The following IL4R variants were observed in gnomAD, a reference collection of about 807,000 sequenced individuals.
The protein encoded by IL4R is interleukin-4 receptor subunit alpha.
In IL4R, 17 loss-of-function variants were observed where a neutral mutation model predicts 41.5. The ratio of observed to expected loss-of-function variants is 0.41; its 90% CI spans 0.28 to 0.61. IL4R has a LOEUF of 0.61. IL4R is among the 20% of genes least tolerant of loss of function. The pLI, the probability that IL4R is intolerant of heterozygous loss-of-function variation, is 0.31. For missense variants in IL4R, 974 were observed against 1,043.1 expected (o/e 0.93, Z 0.91); for synonymous variants, 402 against 422.9 (o/e 0.95, Z 0.61).
intron 9 of IL4R, chr16:27,359,753 A>G: frequency 4.4e-6 from 2 of 453,104 alleles, no homozygotes; most frequent in South Asian, 3.1e-5. Context: ...ATTTATTGAG[A>G]CAATACATAT....
Position 27,352,607 on chromosome 16 carries a change from G to C in IL4R, c.581G>C (p.Gly194Ala), listed in dbSNP as rs557130740. 9 of 1,614,122 alleles carry C rather than the reference G, an allele frequency of 5.6e-6. No homozygotes were observed. Among genetic ancestry groups the C allele is most frequent in the African/African-American group, 2.7e-5 (2 of 75,044 alleles). ...ATCGCAGCCAGCACCCTGAAGTCTG[G>C]GATTTCCTACAGGGCACGGGTGAGG... ...LRIAASTLKSGISYRARVRAW... is the reference protein window; with the variant it reads ...LRIAASTLKSAISYRARVRAW... Residue 194 changes from glycine to alanine, a missense_variant, in exon 7 of 11, where the codon GGG (glycine) becomes GCG (alanine). By Grantham distance (60) the Gly-to-Ala change is moderately conservative (BLOSUM62 0). This residue lies in a region of IL4R where 284 missense variants were observed against 313.4 expected (regional missense o/e 0.91). Coordinates refer to ENST00000395762, the MANE Select transcript of IL4R (RefSeq NM_000418.4).
chr16:27,320,751 T>C (rs920783525), intron 1 of IL4R, among the ~76,000 whole-genome samples: 2 of 152,150 alleles, frequency 1.3e-5, no homozygotes, highest in Admixed American at 1.3e-4. Flanking sequence ...TTCTGCCTTT[T>C]TAAAAGGGAA....
intron 2 of IL4R, among the ~76,000 whole-genome samples, chr16:27,330,406 GA>G (rs1364505764): frequency 7.5e-4 from 112 of 148,676 alleles, no homozygotes; most frequent in African/African-American, 2.6e-3. Flanking sequence ...AAAAAGAAAA[GA>G]AAAAGAAAAA....
In IL4R at chr16:27,345,325, T is replaced by G; in HGVS notation, c.361+305T>G. On this transcript the variant is annotated intron_variant, in intron 5 of 10. Transcript: ENST00000395762. The surrounding 1 kb of genome is among the most constrained non-coding windows in gnomAD (Gnocchi z 4.5). ...TGCTGGAAGGCATGCCTGCTGCTGATTGAAAACCGAACTGGGAACATTCCT... is the reference window on the plus strand; with the variant it reads ...TGCTGGAAGGCATGCCTGCTGCTGAGTGAAAACCGAACTGGGAACATTCCT... The G allele has an allele frequency of 2.0e-6, 1 of 490,696 alleles. No individual in the cohort carries two copies. Among genetic ancestry groups the G allele is most frequent in the East Asian group, 4.7e-5 (1 of 21,316 alleles). 30.4% of individuals were successfully genotyped at this position (490,696 alleles called of 1,614,324 possible).
intron 6 of IL4R, among the ~76,000 whole-genome samples, chr16:27,351,646 C>A (rs1161075280): frequency 6.6e-6 from 1 of 151,816 alleles, no homozygotes; most frequent in East Asian, 1.9e-4. Flanking sequence ...TCCTGAGTAG[C>A]TGGGATTACA....
intron 4 of IL4R, among the ~76,000 whole-genome samples, chr16:27,344,511 C>T (rs2085560325): frequency 1.3e-5 from 2 of 152,116 alleles, no homozygotes; most frequent in Admixed American, 6.6e-5. Context: ...AATTATCTTA[C>T]GATGGCCAAA....
intron 6 of IL4R, among the ~76,000 whole-genome samples, chr16:27,349,869 C>A (rs543377645): frequency 2.0e-5 from 3 of 152,298 alleles, no homozygotes; most frequent in African/African-American, 7.2e-5. Flanking sequence ...CCCACCTCTG[C>A]CTCCCAGGTA....
chr16:27,329,413 ATG>A (rs2085051474), intron 1 of IL4R, among the ~76,000 whole-genome samples: 1 of 152,170 alleles, frequency 6.6e-6, no homozygotes, highest in Admixed American at 6.6e-5. Context: ...ACAGTGGCTC[ATG>A]CCTGTAATCC....
chr16:27,341,769 A>C (rs888040055), intron 3 of IL4R, among the ~76,000 whole-genome samples: 1 of 152,222 alleles, frequency 6.6e-6, no homozygotes, highest in Admixed American at 6.5e-5. Context: ...CACTTCCCCT[A>C]GCTCGAGGGC....
intron 5 of IL4R, 63 bp from the exon 6 acceptor site, chr16:27,346,404 G>A: frequency 6.3e-7 from 1 of 1,579,794 alleles, no homozygotes. Context: ...GTAGGCCGGG[G>A]CTGGGCTGGG....
In IL4R at chr16:27,355,805, C is replaced by A; in HGVS notation, c.671-3C>A. 1 of 1,610,098 alleles carries A rather than the reference C, an allele frequency of 6.2e-7. No individual in the cohort carries two copies. The highest frequency in any genetic ancestry group is 8.5e-7 in the Non-Finnish European group (1 of 1,177,202). On this transcript the variant is annotated splice_polypyrimidine_tract_variant and splice_region_variant and intron_variant, in intron 7 of 10. Coordinates refer to ENST00000395762, the MANE Select transcript of IL4R (RefSeq NM_000418.4). ...AGCTCATGGCTTCCCCTCCCACTTC[C>A]AGCCTACAGGGAGCCCTTCGAGCAG...
rs766380848 is a variant in IL4R at position 27,363,553 on chromosome 16, G to A, written c.2201G>A (p.Gly734Asp). Reference sequence around the variant, plus strand: ...CAGTGTCATGGCCAGGAGGATGGTGGCCAGACCCCTGTCATGGCCAGTCCT... The same window carrying A: ...CAGTGTCATGGCCAGGAGGATGGTGACCAGACCCCTGTCATGGCCAGTCCT... ...LKQCHGQEDG[G>D]QTPVMASPCC... The change falls in exon 11 of 11, where the codon GGC becomes GAC. Residue 734 changes from glycine (G) to aspartate (D), a missense_variant. Transcript: ENST00000395762. 5.0e-6 allele frequency: 8 copies of A among 1,614,008 alleles called. No homozygotes were observed. The highest frequency in any genetic ancestry group is 3.3e-4 in the Middle Eastern group (2 of 6,084).
chr16:27,352,208 TC>T (rs1412979670), intron 6 of IL4R, among the ~76,000 whole-genome samples: 1 of 152,258 alleles, frequency 6.6e-6, no homozygotes, highest in Admixed American at 6.5e-5. Context: ...AGAGGTTATG[TC>T]ACTTACTTAA....
chr16:27,345,039 G>A lies in IL4R; in HGVS notation c.361+19G>A, dbSNP rs776228073. 2.7e-5 allele frequency: 43 copies of A among 1,607,876 alleles called. No homozygotes were observed. In the Admixed American group the frequency reaches 3.0e-4, roughly 11 times the overall value. On this transcript the variant is annotated intron_variant, in intron 5 of 10. Transcript: ENST00000395762. The surrounding 1 kb of genome is among the most constrained non-coding windows in gnomAD (Gnocchi z 4.5). ...GAGCATGGTGAGCAGGGCGGAGTGC[G>A]GCAGGGGTGGCTGGGTGTGTTCCCA...
chr16:27,348,395 C>G (rs906854398), intron 6 of IL4R, among the ~76,000 whole-genome samples: 2 of 152,202 alleles, frequency 1.3e-5, no homozygotes, highest in Non-Finnish European at 2.9e-5. Flanking sequence ...GAGAAAGGTA[C>G]CACCTTCAGA....
chr16:27,324,829 G>C (rs2084911975), intron 1 of IL4R, among the ~76,000 whole-genome samples: 1 of 152,178 alleles, frequency 6.6e-6, no homozygotes, highest in Non-Finnish European at 1.5e-5. Flanking sequence ...CAGCAAATCT[G>C]CTTCTCTTCT....
chr16:27,327,620 C>T (rs971774562), intron 1 of IL4R, among the ~76,000 whole-genome samples: 1 of 152,024 alleles, frequency 6.6e-6, no homozygotes, highest in African/African-American at 2.4e-5. Flanking sequence ...GGACAAAGTT[C>T]CAGGGTTTTG....
intron 1 of IL4R, among the ~76,000 whole-genome samples, chr16:27,320,973 T>G (rs2084798802): frequency 6.6e-6 from 1 of 150,420 alleles, no homozygotes; most frequent in Non-Finnish European, 1.5e-5. Context: ...AGATGGAGTC[T>G]CACTCTGCTG....
At chr16:27,326,625 G>A (rs1489711975) in intron 1 of IL4R, among the ~76,000 whole-genome samples, 13 of 152,270 alleles carry the variant, frequency 8.5e-5, no homozygotes, top group African/African-American at 1.9e-4. Flanking sequence ...GTGACGGTGC[G>A]ACTGCATTCT....
Sources: allele counts gnomAD v4.1 joint callset (sites outside exome capture counted in the v4.1 genomes callset), GRCh38; gene constraint gnomAD v4.1.1; regional missense constraint gnomAD v4.1.1; non-coding constraint Gnocchi (gnomAD v3.1); transcripts MANE v1.5; gene names NCBI Gene and HGNC (gene_info 2026-07-23, HGNC 2026-07-21).